The following HIVEP2 variants were observed in gnomAD, a reference collection of about 807,000 sequenced individuals.
The protein encoded by HIVEP2 is HIVEP zinc finger 2, also known as transcription factor HIVEP2.
Under a neutral mutation model 180.7 loss-of-function variants are expected in HIVEP2, and 14 were observed. That is an observed-to-expected ratio of 0.08 (90% confidence interval 0.05 to 0.12). HIVEP2 has a LOEUF of 0.12. HIVEP2 is among the 10% of genes least tolerant of loss of function. The pLI, the probability that HIVEP2 is intolerant of heterozygous loss-of-function variation, is 1.00. For missense variants in HIVEP2, 2,579 were observed against 3,008.5 expected (o/e 0.86, Z 3.34); for synonymous variants, 1,184 against 1,136.4 (o/e 1.04, Z -0.84).
At chr6:142,831,510 T>C (rs1775078936) in intron 2 of HIVEP2, among the ~76,000 whole-genome samples, 1 of 152,192 alleles carries the variant, frequency 6.6e-6, no homozygotes, top group Admixed American at 6.5e-5. Context: ...TTCATGGGCT[T>C]CCCACGCCCC....
At chr6:142,889,873 A>C (rs1776811147) in intron 1 of HIVEP2, among the ~76,000 whole-genome samples, 1 of 152,210 alleles carries the variant, frequency 6.6e-6, no homozygotes, top group African/African-American at 2.4e-5. Flanking sequence ...ATGGCTCTTG[A>C]CACTTGAAAT....
intron 1 of HIVEP2, among the ~76,000 whole-genome samples, chr6:142,889,798 G>T (rs931701705): frequency 6.6e-6 from 1 of 152,144 alleles, no homozygotes; most frequent in Non-Finnish European, 1.5e-5. Context: ...GACCTATTTT[G>T]GTGCTGTCCA....
At chr6:142,793,694 T>C (rs1177514710) in intron 2 of HIVEP2, among the ~76,000 whole-genome samples, 2 of 138,462 alleles carry the variant, frequency 1.4e-5, no homozygotes, top group African/African-American at 5.0e-5. Context: ...TCTCTCTCTC[T>C]CTCTGTCTGT....
intron 1 of HIVEP2, among the ~76,000 whole-genome samples, chr6:142,843,126 AG>A (rs1169628358): frequency 3.3e-5 from 5 of 152,196 alleles, no homozygotes; most frequent in Non-Finnish European, 7.4e-5. Context: ...ATGAGTCACC[AG>A]GGGAGCTTGT....
In HIVEP2 at chr6:142,891,201, C is replaced by G. The variant is rs79155446; in HGVS notation, c.-641+53898G>C. ...TATTTCCACTTTGCAGAAAAGTAAA[C>G]TAATAACAACATCAGTAAGTAAAAC... On this transcript the variant is annotated intron_variant, in intron 1 of 9. Coordinates refer to ENST00000367603, the MANE Select transcript of HIVEP2 (RefSeq NM_006734.4). Among the ~76,000 whole-genome samples, 1,306 of 152,142 alleles carry G rather than the reference C, an allele frequency of 8.6e-3. 85 individuals carry two copies. The East Asian group carries it at 0.17, about 20-fold the overall frequency.
chr6:142,901,851 T>C (rs1191715524), intron 1 of HIVEP2, among the ~76,000 whole-genome samples: 2 of 152,074 alleles, frequency 1.3e-5, no homozygotes, highest in Non-Finnish European at 2.9e-5. Flanking sequence ...ATCTATCGGT[T>C]TGAAAAAATG....
In HIVEP2 at chr6:142,764,935, A is replaced by T; in HGVS notation, c.5382T>A (p.Arg1794=). Residue 1794 remains arginine, a synonymous_variant, in exon 7 of 10, where the codon CGT becomes CGA. Transcript: ENST00000367603. ...CTTCACAAATGTACTTTCCCCGGCC[A>T]CGTCCTCTGACATATACATAATCTT... ...SNEDYVYVRG[R]GRGKYICEEC... is the part of the protein sequence containing the mutation. The T allele has an allele frequency of 6.2e-7, 1 of 1,613,838 alleles. No homozygotes were observed. The highest frequency in any genetic ancestry group is 8.5e-7 in the Non-Finnish European group (1 of 1,179,778).
chr6:142,892,436 C>G (rs1222180861), intron 1 of HIVEP2, among the ~76,000 whole-genome samples: 1 of 152,158 alleles, frequency 6.6e-6, no homozygotes, highest in Non-Finnish European at 1.5e-5. Flanking sequence ...CCTGACCCCC[C>G]AAGAGTCTTT....
intron 1 of HIVEP2, among the ~76,000 whole-genome samples, chr6:142,880,059 T>C (rs1034695305): frequency 6.6e-6 from 1 of 152,288 alleles, no homozygotes; most frequent in East Asian, 1.9e-4. Flanking sequence ...ATCTCTCCTA[T>C]AATGGTGCTT....
Position 142,771,656 on chromosome 6 carries a change from C to T in HIVEP2, c.3083G>A (p.Arg1028Gln), listed in dbSNP as rs2114653000. 5 of 1,614,168 alleles carry T rather than the reference C, an allele frequency of 3.1e-6. No homozygotes were observed. The highest frequency in any genetic ancestry group is 2.2e-5 in the South Asian group (2 of 91,070). Reference protein sequence around the residue: ...VPGHHHQKEMRRCSSEQMPCP... With the variant: ...VPGHHHQKEMQRCSSEQMPCP... ...AGGCATCTGCTCTGATGAGCAGCGTCGCATCTCTTTCTGGTGGTGATGGCC... is the reference window on the plus strand; with the variant it reads ...AGGCATCTGCTCTGATGAGCAGCGTTGCATCTCTTTCTGGTGGTGATGGCC... The change falls in exon 5 of 10, where the codon CGA (arginine) becomes CAA (glutamine). Residue 1028 changes from arginine (R) to glutamine (Q), a missense_variant. By Grantham distance (43) the Arg-to-Gln change is conservative. Around this residue, in one of 11 missense-constraint regions of HIVEP2, gnomAD observed 523 missense variants for 577.0 expected, o/e 0.91. Coordinates refer to ENST00000367603, the MANE Select transcript of HIVEP2 (RefSeq NM_006734.4). The surrounding 1 kb of genome is among the most constrained non-coding windows in gnomAD (Gnocchi z 5.4).
intron 1 of HIVEP2, among the ~76,000 whole-genome samples, chr6:142,851,581 C>A (rs977556995): frequency 6.6e-6 from 1 of 152,202 alleles, no homozygotes; most frequent in South Asian, 2.1e-4. Flanking sequence ...CTTGAGGCCC[C>A]GAAAGGCTCA....
chr6:142,818,407 T>C (rs2032681808), intron 2 of HIVEP2, among the ~76,000 whole-genome samples: 1 of 152,176 alleles, frequency 6.6e-6, no homozygotes, highest in Non-Finnish European at 1.5e-5. Flanking sequence ...CCGGGCACGG[T>C]GGCTCACGCC....
chr6:142,853,333 T>C (rs145845768), intron 1 of HIVEP2, among the ~76,000 whole-genome samples: 1 of 152,310 alleles, frequency 6.6e-6, no homozygotes, highest in East Asian at 1.9e-4. Flanking sequence ...CCAAAGGGTC[T>C]CCCTGTGGTT....
At position 142,902,006 on chromosome 6, in the gene HIVEP2, G is replaced by C. The variant is rs571442509; in HGVS notation, c.-641+43093C>G. On this transcript the variant is annotated intron_variant, in intron 1 of 9. Coordinates refer to ENST00000367603, the MANE Select transcript of HIVEP2 (RefSeq NM_006734.4). ...GTTTATGAGGAATAAAATAGTGATG[G>C]CACTAGATGATAACCCAAATAATAA... Among the ~76,000 whole-genome samples the C allele has an allele frequency of 7.2e-4, 110 of 152,168 alleles. 1 individual carries two copies. Among genetic ancestry groups the C allele is most frequent in the Non-Finnish European group, 1.2e-3 (84 of 68,004 alleles).
chr6:142,913,561 G>A (rs1218156412), intron 1 of HIVEP2, among the ~76,000 whole-genome samples: 1 of 152,180 alleles, frequency 6.6e-6, no homozygotes, highest in African/African-American at 2.4e-5. Context: ...TTTCCCACAA[G>A]CCTTGGAAGA....
intron 2 of HIVEP2, among the ~76,000 whole-genome samples, chr6:142,785,309 CAAAAAAAA>C (rs57458259): frequency 3.8e-4 from 25 of 65,370 alleles, no homozygotes; most frequent in Admixed American, 7.9e-4. Context: ...TGGCATTCCT[CAAAAAAAA>C]AAAAAAAAAA....
At chr6:142,920,378 C>T (rs2128433953) in intron 1 of HIVEP2, among the ~76,000 whole-genome samples, 1 of 152,332 alleles carries the variant, frequency 6.6e-6, no homozygotes, top group Admixed American at 6.5e-5. Context: ...CACGGCTTCA[C>T]TTTGAGCCCT....
intron 1 of HIVEP2, among the ~76,000 whole-genome samples, chr6:142,932,905 C>A (rs1050095357): frequency 6.6e-6 from 1 of 152,170 alleles, no homozygotes; most frequent in African/African-American, 2.4e-5. Flanking sequence ...TGTCCTGTCA[C>A]CAGTTGACAA....
At position 142,883,146 on chromosome 6, in the gene HIVEP2, T is replaced by C. The variant is rs1582939201; in HGVS notation, c.-640-46099A>G. On this transcript the variant is annotated intron_variant, in intron 1 of 9. Coordinates refer to ENST00000367603, the MANE Select transcript of HIVEP2 (RefSeq NM_006734.4). ...CACGGATAGCATTCGATATCACACC[T>C]TTGGAATTTCACAGTCCTGAAGATT... is the stretch of plus-strand genomic sequence containing the variant. Among the ~76,000 whole-genome samples, 8 of 152,134 alleles carry C rather than the reference T, an allele frequency of 5.3e-5. No homozygotes were observed. In the South Asian group the frequency reaches 1.7e-3, roughly 32 times the overall value.
Sources: allele counts gnomAD v4.1 joint callset (sites outside exome capture counted in the v4.1 genomes callset), GRCh38; gene constraint gnomAD v4.1.1; regional missense constraint gnomAD v4.1.1; non-coding constraint Gnocchi (gnomAD v3.1); transcripts MANE v1.5; gene names NCBI Gene and HGNC (gene_info 2026-07-23, HGNC 2026-07-21).